Variants in SF3A2 observed in about 807,000 individuals in gnomAD.
SF3A2 encodes SAP 62.
Under a neutral mutation model 31.1 loss-of-function variants are expected in SF3A2, and 5 were observed. That is an observed-to-expected ratio of 0.16 (90% CI 0.08 to 0.34). The LOEUF (loss-of-function observed/expected upper bound fraction) is 0.34. SF3A2 is among the 10% of genes least tolerant of loss of function. The pLI is 1.00. For synonymous variants in SF3A2, 365 were observed against 263.7 expected, an observed-to-expected ratio of 1.38 and a Z score of -3.72; for missense variants, 577 against 643.9, an observed-to-expected ratio of 0.90 and a Z score of 1.13.
In SF3A2 at chr19:2,246,060, G is replaced by T. The variant is rs76052805; in HGVS notation, c.355+505G>T. 1.8e-4 allele frequency among the ~76,000 whole-genome samples: 28 copies of T among 152,294 alleles called. No homozygotes were observed. The highest frequency in any genetic ancestry group is 6.5e-4 in the African/African-American group (27 of 41,554). Reference sequence around the variant, plus strand: ...CCATAGGGTTCAGGAAGGCGGGCACGCTACCCAGCAAGTGTTCTTTACAGA... The same window carrying T: ...CCATAGGGTTCAGGAAGGCGGGCACTCTACCCAGCAAGTGTTCTTTACAGA... On this transcript the variant is annotated intron_variant, in intron 5 of 8. Transcript: ENST00000221494. The surrounding 1 kb of genome is among the most constrained non-coding windows in gnomAD (Gnocchi z 5.5).
intron 2 of SF3A2, 131 bp from the exon 3 acceptor site, chr19:2,244,412 GC>G: frequency 1.4e-6 from 1 of 706,774 alleles, no homozygotes; most frequent in Non-Finnish European, 2.4e-6. Flanking sequence ...ACCACTGTCA[GC>G]GGTAGCCATG....
At chr19:2,242,807 C>T (rs944460084) in intron 1 of SF3A2, among the ~76,000 whole-genome samples, 1 of 152,104 alleles carries the variant, frequency 6.6e-6, no homozygotes, top group Non-Finnish European at 1.5e-5. Flanking sequence ...AGCAGAGCCC[C>T]CTGCGCCACA....
rs1158675379 is a variant in SF3A2 at position 2,246,376 on chromosome 19, A to C, written c.356-377A>C. Among the ~76,000 whole-genome samples, 2 of 152,106 alleles carry C rather than the reference A, an allele frequency of 1.3e-5. No homozygotes were observed. Among genetic ancestry groups the C allele is most frequent in the African/African-American group, 2.4e-5 (1 of 41,420 alleles). On this transcript the variant is annotated intron_variant, in intron 5 of 8. Transcript: ENST00000221494. This position sits in a 1 kb window ranked among gnomAD's most constrained non-coding sequence, Gnocchi z 5.5. ...GCATCCTCTCTCGCTCACCGTATACATGGTGTCAGCCCTGTTCAGGCGGCC... is the reference window on the plus strand; with the variant it reads ...GCATCCTCTCTCGCTCACCGTATACCTGGTGTCAGCCCTGTTCAGGCGGCC...
At chr19:2,240,424 C>G (rs983932376) in intron 1 of SF3A2, among the ~76,000 whole-genome samples, 4 of 152,224 alleles carry the variant, frequency 2.6e-5, no homozygotes, top group African/African-American at 9.6e-5. Flanking sequence ...GGGACCTTCC[C>G]CGGGGTGCCG....
In SF3A2 at chr19:2,247,930, C is replaced by A; in HGVS notation, c.779C>A (p.Pro260His). ...CCACCGCCCCCGCCAGGAGGCCTGC[C>A]TCTGCCACCCATGCCCCCCACAGGG... ...SLPPPPPGGL[P>H]LPPMPPTGPA... is the part of the protein sequence containing the mutation. Residue 260 changes from proline to histidine, a missense_variant, in exon 9 of 9, where the codon CCT becomes CAT. Transcript: ENST00000221494. The A allele has an allele frequency of 1.3e-6, 2 of 1,537,010 alleles. No homozygotes were observed. Among genetic ancestry groups the A allele is most frequent in the Non-Finnish European group, 8.9e-7 (1 of 1,128,320 alleles).
chr19:2,247,231 GA>G (rs2024945858), intron 7 of SF3A2: 1 of 541,308 alleles, frequency 1.8e-6, no homozygotes, highest in African/African-American at 1.9e-5. Flanking sequence ...GGGCCAATGA[GA>G]AGGGAGGCCG....
At chr19:2,247,064 C>T (rs1465777509) in intron 7 of SF3A2, 42 bp downstream of exon 7, 2 of 1,016,854 alleles carry the variant, frequency 2.0e-6, no homozygotes, top group African/African-American at 3.3e-5. Flanking sequence ...TTGAGATGTG[C>T]AAGCCAGAAG....
chr19:2,243,389 C>T lies in SF3A2; in HGVS notation c.-30C>T. 1 of 1,506,282 alleles carries T rather than the reference C, an allele frequency of 6.6e-7. No individual in the cohort carries two copies. The highest frequency in any genetic ancestry group is 1.3e-5 in the South Asian group (1 of 76,392). The allele number at this position is 1,506,282 out of a possible 1,614,324, so 93.3% of individuals were successfully genotyped here. A position where few individuals can be genotyped will look rare whatever the true frequency, so the allele number is the denominator to read the frequency against. ...TCCTCTTGGCCTCCACAGGTGTCTC[C>T]CAGTCTGCTAAAGCCCTAAGGCCAT... On this transcript the variant is annotated 5_prime_UTR_variant, in exon 2 of 9. Coordinates refer to ENST00000221494, the MANE Select transcript of SF3A2 (RefSeq NM_007165.5).
chr19:2,244,871 G>C, intron 4 of SF3A2, 92 bp downstream of exon 4: 1 of 1,283,872 alleles, frequency 7.8e-7, no homozygotes. Context: ...CCACAGCCGG[G>C]GAGCCAGCCT....
chr19:2,245,232 C>T lies in SF3A2; in HGVS notation c.246-214C>T. The T allele has an allele frequency of 3.7e-6, 2 of 540,104 alleles. No individual in the cohort carries two copies. Among genetic ancestry groups the T allele is most frequent in the Non-Finnish European group, 6.5e-6 (2 of 306,608 alleles). The allele number at this position is 540,104 out of a possible 1,614,324, so 33.5% of individuals were successfully genotyped here. ...AGAGGCATGGAGTTGTTGGAAGGGC[C>T]CCAGCCAGGGACAGTGAGGAGCATG... On this transcript the variant is annotated intron_variant, in intron 4 of 8. Coordinates refer to ENST00000221494, the MANE Select transcript of SF3A2 (RefSeq NM_007165.5). This position sits in a 1 kb window ranked among gnomAD's most constrained non-coding sequence, Gnocchi z 4.2.
chr19:2,242,454 C>T (rs1159729815), intron 1 of SF3A2, among the ~76,000 whole-genome samples: 1 of 152,184 alleles, frequency 6.6e-6, no homozygotes, highest in Non-Finnish European at 1.5e-5. Flanking sequence ...GACTCTCAGC[C>T]TCCCGCCTCC....
chr19:2,242,383 A>C (rs902453874), intron 1 of SF3A2, among the ~76,000 whole-genome samples: 1 of 152,162 alleles, frequency 6.6e-6, no homozygotes, highest in Non-Finnish European at 1.5e-5. Context: ...GTCCAGAGGC[A>C]CCTGTGTGCC....
intron 1 of SF3A2, among the ~76,000 whole-genome samples, chr19:2,240,847 A>C (rs975388555): frequency 6.6e-5 from 10 of 152,186 alleles, no homozygotes; most frequent in Non-Finnish European, 1.5e-4. Context: ...GGCCATCTGC[A>C]CCTGTCCTGG....
In SF3A2 at chr19:2,248,567, CA is replaced by C; in HGVS notation, c.*23del. ...ACTGAGAAGCTGCTCCCTCCCCCAG[CA>C]AGCCCAGCGCCAGGTGCTCTTGCCT... On this transcript the variant is annotated 3_prime_UTR_variant, in exon 9 of 9. Coordinates refer to ENST00000221494, the MANE Select transcript of SF3A2 (RefSeq NM_007165.5). The C allele has an allele frequency of 1.2e-6, 1 of 836,184 alleles. No homozygotes were observed. Among genetic ancestry groups the C allele is most frequent in the Non-Finnish European group, 1.7e-6 (1 of 593,472 alleles). 51.8% of individuals were successfully genotyped at this position (836,184 alleles called of 1,614,324 possible).
Position 2,247,897 on chromosome 19 carries a change from A to G in SF3A2, c.746A>G (p.Glu249Gly). Reference protein sequence around the residue: ...NGLPPRPPLPESLPPPPPGGL... With the variant: ...NGLPPRPPLPGSLPPPPPGGL... Reference sequence around the variant, plus strand: ...CTGCCCCCTCGGCCACCGCTGCCTGAGTCTTTGCCACCGCCCCCGCCAGGA... The same window carrying G: ...CTGCCCCCTCGGCCACCGCTGCCTGGGTCTTTGCCACCGCCCCCGCCAGGA... The change falls in exon 9 of 9, where the codon GAG (glutamate) becomes GGG (glycine). Residue 249 changes from glutamate (E) to glycine (G), a missense_variant. Physicochemically the swap from Glu to Gly is moderately conservative, Grantham distance 98 (BLOSUM62 -2). Coordinates refer to ENST00000221494, the MANE Select transcript of SF3A2 (RefSeq NM_007165.5). 1 of 1,571,052 alleles carries G rather than the reference A, an allele frequency of 6.4e-7. No individual in the cohort carries two copies. Among genetic ancestry groups the G allele is most frequent in the Non-Finnish European group, 8.6e-7 (1 of 1,160,622 alleles).
intron 1 of SF3A2, among the ~76,000 whole-genome samples, chr19:2,241,293 T>C (rs184782209): frequency 1.3e-5 from 2 of 152,238 alleles, no homozygotes; most frequent in East Asian, 3.9e-4. Context: ...ATTCCCTGCC[T>C]TCTCACACGT....
chr19:2,247,869 G>A lies in SF3A2; in HGVS notation c.718G>A (p.Gly240Ser), dbSNP rs755308302. ...VKRPPPPLMN[G>S]LPPRPPLPES... ...GCGGCCTCCACCCCCGCTGATGAAC[G>A]GTCTGCCCCCTCGGCCACCGCTGCC... The change falls in exon 9 of 9, where the codon GGT becomes AGT. Residue 240 changes from glycine to serine, a missense_variant. Transcript: ENST00000221494. 5.8e-6 allele frequency: 9 copies of A among 1,558,218 alleles called. No homozygotes were observed. The highest frequency in any genetic ancestry group is 1.7e-5 in the Admixed American group (1 of 59,510).
Position 2,245,633 on chromosome 19 carries a change from T to G in SF3A2, c.355+78T>G, listed in dbSNP as rs1568389549. Reference sequence around the variant, plus strand: ...GTTCTTTAGTCTCCAGTGCGGGAGGTGCAGCCCTGATAGCCTCCTCCCTGA... The same window carrying G: ...GTTCTTTAGTCTCCAGTGCGGGAGGGGCAGCCCTGATAGCCTCCTCCCTGA... On this transcript the variant is annotated intron_variant, in intron 5 of 8. Coordinates refer to ENST00000221494, the MANE Select transcript of SF3A2 (RefSeq NM_007165.5). This position sits in a 1 kb window ranked among gnomAD's most constrained non-coding sequence, Gnocchi z 4.2. The G allele has an allele frequency of 9.3e-7, 1 of 1,075,290 alleles. No individual in the cohort carries two copies. 66.6% of individuals were successfully genotyped at this position (1,075,290 alleles called of 1,614,324 possible). A position where few individuals can be genotyped will look rare whatever the true frequency, so the allele number is the denominator to read the frequency against.
In SF3A2 at chr19:2,248,261, G is replaced by A. The variant is rs779218786; in HGVS notation, c.1110G>A (p.Ala370=). 59 of 1,401,810 alleles carry A rather than the reference G, an allele frequency of 4.2e-5. No homozygotes were observed. The highest frequency in any genetic ancestry group is 1.7e-4 in the South Asian group (11 of 65,870). The allele number at this position is 1,401,810 out of a possible 1,614,324, so 86.8% of individuals were successfully genotyped here. A position where few individuals can be genotyped will look rare whatever the true frequency, so the allele number is the denominator to read the frequency against. ...CAGGGGTCCATCCTCCCCCATCAGC[G>A]GGGGTTCACCCCCAGGCCCCGGGGG... The part of the protein sequence containing the change: ...PAPGVHPPPS[A]GVHPQAPGVH... The change falls in exon 9 of 9, where the codon GCG becomes GCA. Residue 370 remains alanine (A), a synonymous_variant. Coordinates refer to ENST00000221494, the MANE Select transcript of SF3A2 (RefSeq NM_007165.5).
Sources: allele counts gnomAD v4.1 joint callset (sites outside exome capture counted in the v4.1 genomes callset), GRCh38; gene constraint gnomAD v4.1.1; non-coding constraint Gnocchi (gnomAD v3.1); transcripts MANE v1.5; gene names NCBI Gene and HGNC (gene_info 2026-07-23, HGNC 2026-07-21).